Variants in CDCA8 observed in about 807,000 individuals in gnomAD.
CDCA8 encodes cell division cycle associated 8, also known as borealin.
In CDCA8, 25 loss-of-function variants were observed where a neutral mutation model predicts 40.0. The observed-to-expected ratio is 0.63, with a 90% CI of 0.46 to 0.87. The LOEUF is 0.87. CDCA8 is among the 40% of genes least tolerant of loss of function. The pLI is 0.00. For synonymous variants in CDCA8, 111 were observed against 126.5 expected, an observed-to-expected ratio of 0.88 and a Z score of 0.82; for missense variants, 280 against 348.4, an observed-to-expected ratio of 0.80 and a Z score of 1.56.
At chr1:37,699,917 C>T (rs1439388197) in intron 4 of CDCA8, among the ~76,000 whole-genome samples, 1 of 149,530 alleles carries the variant, frequency 6.7e-6, no homozygotes, top group Non-Finnish European at 1.5e-5. Flanking sequence ...GAGACTCTGT[C>T]TCAAAAAAAA....
intron 5 of CDCA8, 68 bp from the exon 6 acceptor site, chr1:37,701,686 A>C (rs1645565095): frequency 1.9e-6 from 2 of 1,052,622 alleles, no homozygotes; most frequent in African/African-American, 1.7e-5. Flanking sequence ...AAAAAAAAAA[A>C]AAACCCTCCT....
chr1:37,697,403 C>T (rs1168013364), intron 3 of CDCA8, among the ~76,000 whole-genome samples: 1 of 152,228 alleles, frequency 6.6e-6, no homozygotes, highest in African/African-American at 2.4e-5. Context: ...TAATTCAACA[C>T]ATATGAAATG....
chr1:37,707,602 C>T (rs559080485), intron 9 of CDCA8, among the ~76,000 whole-genome samples: 24 of 152,182 alleles, frequency 1.6e-4, no homozygotes, highest in Non-Finnish European at 3.1e-4. Context: ...AGTAACCACA[C>T]CTCCAATCCC....
chr1:37,698,803 T>G, intron 3 of CDCA8, 102 bp from the exon 4 acceptor site: 1 of 752,614 alleles, frequency 1.3e-6, no homozygotes. Context: ...TTTAACAGTC[T>G]TATGTATTAA....
rs776371441 is a variant in CDCA8 at position 37,692,774 on chromosome 1, C to A, written c.84C>A (p.Phe28Leu). ...RRKLASFLKD[F>L]DREVEIRIKQ... is the part of the protein sequence containing the mutation. ...AGCTCGCCTCCTTTCTGAAAGACTT[C>A]GACCGTGAAGGTAAGGGGCCAGGCC... Residue 28 changes from phenylalanine to leucine, a missense_variant, in exon 1 of 10, where the codon TTC (phenylalanine) becomes TTA (leucine). Coordinates refer to ENST00000373055, the MANE Select transcript of CDCA8 (RefSeq NM_001256875.2). The A allele has an allele frequency of 1.2e-6, 2 of 1,613,638 alleles. No homozygotes were observed. Among genetic ancestry groups the A allele is most frequent in the South Asian group, 1.1e-5 (1 of 91,080 alleles).
chr1:37,701,837 T>C lies in CDCA8; in HGVS notation c.488+19T>C, dbSNP rs1645566262. On this transcript the variant is annotated intron_variant, in intron 6 of 9. Coordinates refer to ENST00000373055, the MANE Select transcript of CDCA8 (RefSeq NM_001256875.2). ...GGAAAAGGTAGTGGATTTTCTAAAG[T>C]TGTGGTGTTTTGGGTTTTATTGGAG... 2 of 1,597,696 alleles carry C rather than the reference T, an allele frequency of 1.3e-6. No individual in the cohort carries two copies. The highest frequency in any genetic ancestry group is 1.7e-6 in the Non-Finnish European group (2 of 1,165,618).
Position 37,701,773 on chromosome 1 carries a change from C to T in CDCA8, c.443C>T (p.Ser148Phe), listed in dbSNP as rs546751848. The T allele has an allele frequency of 4.3e-5, 69 of 1,612,876 alleles. No homozygotes were observed. The South Asian group carries it at 6.7e-4, about 16-fold the overall frequency. ...QTARVKRCPP[S>F]KKRTQSIQGK... ...CTGCAGGTCAAAAGGTGTCCTCCAT[C>T]CAAGAAGAGAACTCAGTCCATACAA... is the stretch of plus-strand genomic sequence containing the variant. The change falls in exon 6 of 10, where the codon TCC (serine) becomes TTC (phenylalanine). Residue 148 changes from serine to phenylalanine, a missense_variant. By Grantham distance (155) the Ser-to-Phe change is radical. Transcript: ENST00000373055.
intron 6 of CDCA8, 150 bp downstream of exon 6, chr1:37,701,968 G>C (rs1645567879): frequency 1.6e-6 from 1 of 607,464 alleles, no homozygotes; most frequent in Admixed American, 3.1e-5. Flanking sequence ...CAAGCTGGAG[G>C]GGTCTCTAGA....
chr1:37,692,852 GCA>G, intron 1 of CDCA8, 51 bp from the exon 2 acceptor site: 1 of 1,612,844 alleles, frequency 6.2e-7, no homozygotes, highest in African/African-American at 1.3e-5. Context: ...GACACGAGCT[GCA>G]CAGATTCGCC....
intron 5 of CDCA8, 64 bp from the exon 6 acceptor site, chr1:37,701,690 C>G (rs1046623031): frequency 6.3e-6 from 5 of 796,560 alleles, no homozygotes; most frequent in East Asian, 3.8e-5. Flanking sequence ...AAAAAAAAAA[C>G]CCTCCTTACC....
chr1:37,704,829 A>T (rs148613356), intron 7 of CDCA8, among the ~76,000 whole-genome samples: 3,046 of 151,584 alleles, frequency 0.02, 70 homozygotes, highest in Non-Finnish European at 0.024. Context: ...TGTATTTTTA[A>T]TAGAGACAGG....
chr1:37,692,545 G>A lies in CDCA8; in HGVS notation c.-146G>A. ...AGCCGCTCTCTCTCACTGGCACAGC[G>A]AGGTTTTGCTCAGCCCTTGTCTCGG... On this transcript the variant is annotated 5_prime_UTR_variant, in exon 1 of 10. Transcript: ENST00000373055. 1 of 664,382 alleles carries A rather than the reference G, an allele frequency of 1.5e-6. No homozygotes were observed. The allele number at this position is 664,382 out of a possible 1,614,324, so 41.2% of individuals were successfully genotyped here.
At chr1:37,697,881 T>A (rs1205356406) in intron 3 of CDCA8, among the ~76,000 whole-genome samples, 1 of 144,932 alleles carries the variant, frequency 6.9e-6, no homozygotes, top group African/African-American at 2.9e-5. Context: ...TCAGAATCCT[T>A]CTCTGAGTAT....
intron 7 of CDCA8, among the ~76,000 whole-genome samples, chr1:37,704,034 A>G (rs1645582427): frequency 6.6e-6 from 1 of 152,050 alleles, no homozygotes; most frequent in Admixed American, 6.6e-5. Context: ...GCTCACTGCA[A>G]CCTTGACTTC....
At chr1:37,703,713 C>A (rs535004558) in intron 7 of CDCA8, among the ~76,000 whole-genome samples, 1 of 152,278 alleles carries the variant, frequency 6.6e-6, no homozygotes, top group Non-Finnish European at 1.5e-5. Context: ...GAGACTCTGT[C>A]TTAAGAAAAG....
intron 3 of CDCA8, among the ~76,000 whole-genome samples, chr1:37,698,029 G>GA (rs921522975): frequency 2.7e-5 from 4 of 149,428 alleles, no homozygotes; most frequent in Admixed American, 6.7e-5. Flanking sequence ...ATTACCATAT[G>GA]AAAAAAAAAC....
chr1:37,703,154 G>A, intron 6 of CDCA8, 98 bp from the exon 7 acceptor site: 4 of 915,676 alleles, frequency 4.4e-6, no homozygotes, highest in South Asian at 2.6e-5. Flanking sequence ...GGCGCCCGGA[G>A]CAGTATCTCA....
At position 37,696,854 on chromosome 1, in the gene CDCA8, T is replaced by A. The variant is rs1003774444; in HGVS notation, c.264+904T>A. 6.6e-6 allele frequency among the ~76,000 whole-genome samples: 1 copy of A among 152,232 alleles called. No individual in the cohort carries two copies. The highest frequency in any genetic ancestry group is 1.5e-5 in the Non-Finnish European group (1 of 68,040). ...GGGCACATAGCAGATCTCCGCCAGC[T>A]TCATTCAGAAGGTAAAGGTAATGAG... On this transcript the variant is annotated intron_variant, in intron 3 of 9. Transcript: ENST00000373055. The surrounding 1 kb of genome is among the most constrained non-coding windows in gnomAD (Gnocchi z 5.0).
At position 37,708,308 on chromosome 1, in the gene CDCA8, CCTT is replaced by C. The variant is rs1557520237; in HGVS notation, c.799-13_799-11del. 1.9e-6 allele frequency: 3 copies of C among 1,600,152 alleles called. No individual in the cohort carries two copies. The highest frequency in any genetic ancestry group is 1.7e-5 in the Admixed American group (1 of 58,210). ...TGACATCTTCTACAATGACCTCTCT[CCTT>C]TTCTTTTTAGAACCGTCTCGCCCAA... On this transcript the variant is annotated splice_polypyrimidine_tract_variant and intron_variant, in intron 9 of 9. Coordinates refer to ENST00000373055, the MANE Select transcript of CDCA8 (RefSeq NM_001256875.2).
Sources: allele counts gnomAD v4.1 joint callset (sites outside exome capture counted in the v4.1 genomes callset), GRCh38; gene constraint gnomAD v4.1.1; non-coding constraint Gnocchi (gnomAD v3.1); transcripts MANE v1.5; gene names NCBI Gene and HGNC (gene_info 2026-07-23, HGNC 2026-07-21).